Variants in LARP7 observed in about 807,000 individuals in gnomAD.
The protein encoded by LARP7 is La ribonucleoprotein 7, transcriptional regulator, also known as la-related protein 7.
Under a neutral mutation model 69.3 loss-of-function variants are expected in LARP7, and 52 were observed. The ratio of observed to expected loss-of-function variants is 0.75; its 90% CI spans 0.60 to 0.95. LARP7 has a LOEUF of 0.95. LARP7 is among the 40% of genes least tolerant of loss of function. LARP7 has a pLI of 0.00. For synonymous variants in LARP7, 254 were observed against 215.9 expected, an observed-to-expected ratio of 1.18 and a Z score of -1.55; for missense variants, 733 against 673.0, an observed-to-expected ratio of 1.09 and a Z score of -0.99.
chr4:112,644,906 A>G, intron 2 of LARP7, 35 bp downstream of exon 2: 1 of 975,788 alleles, frequency 1.0e-6, no homozygotes, highest in Non-Finnish European at 1.5e-6. Context: ...CAATTTTTAG[A>G]TATGGTTGCC....
intron 8 of LARP7, chr4:112,648,368 A>G (rs369989762): frequency 3.9e-5 from 21 of 534,506 alleles, no homozygotes; most frequent in African/African-American, 3.8e-4. Flanking sequence ...AGACACCTCC[A>G]CTGAAACATG....
intron 8 of LARP7, 145 bp downstream of exon 8, chr4:112,647,979 G>A (rs13136737): frequency 5.2e-5 from 38 of 736,972 alleles, no homozygotes; most frequent in Middle Eastern, 2.4e-4. Flanking sequence ...GGGCGTTAAC[G>A]CAATTGCTGA....
chr4:112,645,540 T>C, intron 2 of LARP7: 1 of 456,220 alleles, frequency 2.2e-6, no homozygotes. Flanking sequence ...AGGTCTATCT[T>C]TTTTCCCTAG....
intron 1 of LARP7, among the ~76,000 whole-genome samples, chr4:112,639,420 C>A (rs1466642642): frequency 6.6e-6 from 1 of 151,880 alleles, no homozygotes; most frequent in African/African-American, 2.4e-5. Context: ...TTAGTAGAGA[C>A]GTGGTCTCAC....
chr4:112,653,189 A>T lies in LARP7; in HGVS notation c.1529A>T (p.Tyr510Phe). The change falls in exon 11 of 13, where the codon TAT (tyrosine) becomes TTT (phenylalanine). Residue 510 changes from tyrosine to phenylalanine, a missense_variant. Coordinates refer to ENST00000344442, the MANE Select transcript of LARP7 (RefSeq NM_016648.4). ...PEDAQAVINA[Y>F]TEINKKHCWK... is the part of the protein sequence containing the mutation. The stretch of plus-strand genomic sequence containing the variant: ...GATGCTCAAGCAGTAATAAATGCCT[A>T]TACAGAAATTAACAAGAAACACTGC... 6.2e-7 allele frequency: 1 copy of T among 1,604,336 alleles called. No individual in the cohort carries two copies.
intron 8 of LARP7, chr4:112,648,405 C>T (rs777740790): frequency 5.6e-6 from 3 of 534,704 alleles, no homozygotes; most frequent in Non-Finnish European, 1.2e-5. Context: ...TTTCACACAG[C>T]AGGTACCCCC....
At chr4:112,656,066 T>C (rs910069854) in intron 12 of LARP7, among the ~76,000 whole-genome samples, 1 of 152,282 alleles carries the variant, frequency 6.6e-6, no homozygotes, top group Middle Eastern at 3.4e-3. Flanking sequence ...AGTGTTGTAT[T>C]TGGCCCATAA....
rs777396139 is a variant in LARP7, at chr4:112,646,667, A to G, written c.383A>G (p.Tyr128Cys). The stretch of plus-strand genomic sequence containing the variant: ...AAGGATGAGGATGAACGCACAGTGT[A>G]TGTGGTAAGCTTAAGAACCCGGGTC... ...RPKDEDERTV[Y>C]VELLPKNVNH... The change falls in exon 4 of 13, where the codon TAT becomes TGT. Residue 128 changes from tyrosine to cysteine, a missense_variant. Physicochemically the swap from Tyr to Cys is radical, Grantham distance 194. Coordinates refer to ENST00000344442, the MANE Select transcript of LARP7 (RefSeq NM_016648.4). The G allele has an allele frequency of 2.5e-6, 4 of 1,600,184 alleles. No homozygotes were observed. Among genetic ancestry groups the G allele is most frequent in the Non-Finnish European group, 3.4e-6 (4 of 1,174,590 alleles).
chr4:112,640,119 A>G (rs974792939), intron 1 of LARP7, among the ~76,000 whole-genome samples: 16 of 152,172 alleles, frequency 1.1e-4, no homozygotes, highest in Non-Finnish European at 2.2e-4. Context: ...TGTTATTTTT[A>G]GTAGAGACTG....
intron 2 of LARP7, chr4:112,645,586 A>C (rs2048161006): frequency 2.2e-6 from 1 of 455,840 alleles, no homozygotes; most frequent in African/African-American, 2.0e-5. Context: ...GCTCACTCCA[A>C]CTTCTGCCCC....
intron 6 of LARP7, 24 bp downstream of exon 6, chr4:112,647,151 T>TA: frequency 6.3e-7 from 1 of 1,597,320 alleles, no homozygotes; most frequent in Non-Finnish European, 8.5e-7. Flanking sequence ...AATATTTAAA[T>TA]AGGTGTAGTT....
At chr4:112,651,587 T>C (rs1213962246) in intron 10 of LARP7, among the ~76,000 whole-genome samples, 2 of 151,160 alleles carry the variant, frequency 1.3e-5, no homozygotes, top group Non-Finnish European at 2.9e-5. Flanking sequence ...AAAGGGTAAC[T>C]TTATCAATTA....
rs562722730 is a variant in LARP7, at chr4:112,644,661, T to C, written c.-2-7T>C. ...AAATATTTACATCTTTTTCTTGTAA[T>C]TCACAGGAATGGAAACTGAAAGTGG... On this transcript the variant is annotated splice_region_variant and splice_polypyrimidine_tract_variant and intron_variant, in intron 1 of 12. Transcript: ENST00000344442. The C allele has an allele frequency of 1.3e-6, 2 of 1,579,808 alleles. No individual in the cohort carries two copies. Among genetic ancestry groups the C allele is most frequent in the South Asian group, 2.3e-5 (2 of 87,282 alleles).
chr4:112,655,908 G>T (rs1025344700), intron 12 of LARP7, among the ~76,000 whole-genome samples: 1 of 152,100 alleles, frequency 6.6e-6, no homozygotes, highest in Non-Finnish European at 1.5e-5. Context: ...AGACTGTCAG[G>T]GACTAGAAGA....
In LARP7 at chr4:112,647,563, GTT is replaced by G; in HGVS notation, c.997+17_997+18del. 1 of 1,508,904 alleles carries G rather than the reference GTT, an allele frequency of 6.6e-7. No individual in the cohort carries two copies. Among genetic ancestry groups the G allele is most frequent in the Non-Finnish European group, 9.0e-7 (1 of 1,116,504 alleles). The allele number at this position is 1,508,904 out of a possible 1,614,324, so 93.5% of individuals were successfully genotyped here. ...AGGAAAATAGAGGTAAAACTACAAG[GTT>G]TTAATTAGATAAAACTAATTAATTT... On this transcript the variant is annotated intron_variant, in intron 7 of 12. Transcript: ENST00000344442.
intron 12 of LARP7, 27 bp downstream of exon 12, chr4:112,654,186 G>T (rs564040604): frequency 1.1e-5 from 16 of 1,519,582 alleles, no homozygotes; most frequent in Non-Finnish European, 1.5e-5. Context: ...TGTTTTTTTA[G>T]ACTAAACTTT....
chr4:112,650,457 TCAG>T lies in LARP7; in HGVS notation c.1296_1298del. ...AGTCCTGGTCTTTTTCCTTTTCTAA[TCAG>T]CAGCCAACAGGGAAGAGTGTCGCAC... On this transcript the variant is annotated splice_acceptor_variant and splice_polypyrimidine_tract_variant and intron_variant, in intron 9 of 12. Transcript: ENST00000344442. LOFTEE classifies it high-confidence loss of function. 2.5e-6 allele frequency: 4 copies of T among 1,613,570 alleles called. No individual in the cohort carries two copies. Among genetic ancestry groups the T allele is most frequent in the Non-Finnish European group, 3.4e-6 (4 of 1,179,648 alleles).
intron 2 of LARP7, among the ~76,000 whole-genome samples, chr4:112,645,915 A>G (rs899454183): frequency 2.0e-5 from 3 of 152,124 alleles, no homozygotes; most frequent in Non-Finnish European, 4.4e-5. Context: ...TTTGTGTTCA[A>G]ATCTTAATCT....
In LARP7 at chr4:112,653,099, A is replaced by AAG; in HGVS notation, c.1440_1441dup (p.Val481GlufsTer8). ...CAGGATACTTTGGCAGCAATCTCAG[A>AAG]AGTTCTTTATGTTGATTTGCTAGAA... On this transcript the variant is annotated frameshift_variant, in exon 11 of 13. Coordinates refer to ENST00000344442, the MANE Select transcript of LARP7 (RefSeq NM_016648.4). LOFTEE classifies it high-confidence loss of function. 2 of 1,593,338 alleles carry AAG rather than the reference A, an allele frequency of 1.3e-6. No homozygotes were observed. Among genetic ancestry groups the AAG allele is most frequent in the Non-Finnish European group, 1.7e-6 (2 of 1,174,036 alleles).
Sources: allele counts gnomAD v4.1 joint callset (sites outside exome capture counted in the v4.1 genomes callset), GRCh38; gene constraint gnomAD v4.1.1; transcripts MANE v1.5; gene names NCBI Gene and HGNC (gene_info 2026-07-23, HGNC 2026-07-21).